ASTN2: variants seen among roughly 807,000 people sequenced by gnomAD.
ASTN2 encodes astrotactin-2.
In ASTN2, 54 loss-of-function variants were observed where a neutral mutation model predicts 139.8. The ratio of observed to expected loss-of-function variants is 0.39; its 90% CI spans 0.31 to 0.48. The LOEUF (loss-of-function observed/expected upper bound fraction) is 0.48. Among genes scored for constraint, ASTN2 ranks in the 20% least tolerant of loss-of-function variants. ASTN2 has a pLI of 0.95. For synonymous variants in ASTN2, 756 were observed against 719.5 expected, an observed-to-expected ratio of 1.05 and a Z score of -0.81; for missense variants, 1,565 against 1,725.1, an observed-to-expected ratio of 0.91 and a Z score of 1.64.
chr9:116,910,834 A>G (rs1834290353), intron 10 of ASTN2, among the ~76,000 whole-genome samples: 1 of 152,198 alleles, frequency 6.6e-6, no homozygotes, highest in Non-Finnish European at 1.5e-5. Context: ...TTGCATGGAG[A>G]GAAGGGATGA....
chr9:117,212,569 AAAAAACAAAAAAAC>A (rs1832171467), intron 3 of ASTN2, among the ~76,000 whole-genome samples: 1 of 1,324 alleles, frequency 7.6e-4, no homozygotes. Context: ...CAGCAAAAAC[AAAAAACAAAAAAAC>A]AAAAAACAAA....
At chr9:117,174,701 C>T (rs2132933145) in intron 3 of ASTN2, among the ~76,000 whole-genome samples, 1 of 152,028 alleles carries the variant, frequency 6.6e-6, no homozygotes, top group East Asian at 1.9e-4. Context: ...AAGACATCAC[C>T]TCACTTGATG....
intron 11 of ASTN2, among the ~76,000 whole-genome samples, chr9:116,858,219 A>T (rs1232667820): frequency 1.3e-5 from 2 of 152,214 alleles, no homozygotes; most frequent in African/African-American, 4.8e-5. Flanking sequence ...TCACAAATCT[A>T]TAGACAAAAC....
intron 10 of ASTN2, among the ~76,000 whole-genome samples, chr9:116,929,003 T>C (rs1417022438): frequency 6.6e-6 from 1 of 152,168 alleles, no homozygotes; most frequent in Non-Finnish European, 1.5e-5. Flanking sequence ...TCCAGGCCTG[T>C]CGTGGCCTGC....
At chr9:116,893,908 C>T (rs1039237995) in intron 10 of ASTN2, among the ~76,000 whole-genome samples, 4 of 152,186 alleles carry the variant, frequency 2.6e-5, no homozygotes, top group African/African-American at 9.7e-5. Flanking sequence ...AACGTCTGCC[C>T]CCAGGCCCAC....
chr9:117,284,406 C>T (rs368788054), intron 2 of ASTN2, among the ~76,000 whole-genome samples: 7 of 152,330 alleles, frequency 4.6e-5, no homozygotes, highest in African/African-American at 1.7e-4. Context: ...CACCTGGCCT[C>T]TGGTGTCCTC....
chr9:116,946,448 CTT>C (rs1835397506), intron 10 of ASTN2, among the ~76,000 whole-genome samples: 1 of 152,204 alleles, frequency 6.6e-6, no homozygotes, highest in South Asian at 2.1e-4. Context: ...CTTTCACTGT[CTT>C]TTTAAATTCT....
chr9:116,778,796 T>C (rs924007466), intron 13 of ASTN2, among the ~76,000 whole-genome samples: 2 of 152,152 alleles, frequency 1.3e-5, no homozygotes, highest in Non-Finnish European at 2.9e-5. Flanking sequence ...ACTATATATA[T>C]GCAATTTATC....
intron 19 of ASTN2, among the ~76,000 whole-genome samples, chr9:116,535,981 T>C (rs936333681): frequency 6.6e-6 from 1 of 152,206 alleles, no homozygotes; most frequent in African/African-American, 2.4e-5. Context: ...TCCCCGTCAC[T>C]TTCAGGTACA....
At chr9:117,203,901 C>G (rs1034373585) in intron 3 of ASTN2, among the ~76,000 whole-genome samples, 1 of 152,152 alleles carries the variant, frequency 6.6e-6, no homozygotes. Context: ...GTGTGTTTTT[C>G]TGAGGGGAAA....
At chr9:117,233,258 G>T (rs953403241) in intron 2 of ASTN2, among the ~76,000 whole-genome samples, 5 of 152,146 alleles carry the variant, frequency 3.3e-5, no homozygotes. Context: ...TCCAAAGCAG[G>T]AAATCAAACA....
chr9:117,118,790 G>C (rs891229604), intron 4 of ASTN2, among the ~76,000 whole-genome samples: 1 of 152,076 alleles, frequency 6.6e-6, no homozygotes, highest in Admixed American at 6.5e-5. Flanking sequence ...TCTTGTCTCA[G>C]GGTCATAATA....
chr9:116,699,646 G>A lies in ASTN2; in HGVS notation c.2806+26125C>T. The A allele has an allele frequency of 6.2e-7, 1 of 1,614,204 alleles. No homozygotes were observed. Among genetic ancestry groups the A allele is most frequent in the South Asian group, 1.1e-5 (1 of 91,076 alleles). ...AAGGGGCAGCTGCTGGTCTTGGACTGTTGGGATCATTGCATCAAGATCTAC... is the reference window on the plus strand; with the variant it reads ...AAGGGGCAGCTGCTGGTCTTGGACTATTGGGATCATTGCATCAAGATCTAC... On this transcript the variant is annotated intron_variant, in intron 16 of 22. Coordinates refer to ENST00000313400, the MANE Select transcript of ASTN2 (RefSeq NM_001365068.1). This position sits in a 1 kb window ranked among gnomAD's most constrained non-coding sequence, Gnocchi z 4.2.
chr9:117,395,393 T>C (rs1443324094), intron 1 of ASTN2, among the ~76,000 whole-genome samples: 1 of 152,204 alleles, frequency 6.6e-6, no homozygotes, highest in Non-Finnish European at 1.5e-5. Flanking sequence ...CAGCCATTCC[T>C]GCTGGAGATT....
chr9:117,203,615 G>A (rs1234044994), intron 3 of ASTN2, among the ~76,000 whole-genome samples: 5 of 151,876 alleles, frequency 3.3e-5, no homozygotes, highest in Non-Finnish European at 7.4e-5. Flanking sequence ...TCCTTCTTCC[G>A]TAGAGCTGCT....
At chr9:116,732,335 G>A (rs1828807183) in intron 14 of ASTN2, among the ~76,000 whole-genome samples, 1 of 152,162 alleles carries the variant, frequency 6.6e-6, no homozygotes, top group Admixed American at 6.5e-5. Context: ...AAGCACATGT[G>A]GGTTCTCTCC....
intron 3 of ASTN2, among the ~76,000 whole-genome samples, chr9:117,200,732 A>T (rs1356032073): frequency 6.6e-6 from 1 of 152,092 alleles, no homozygotes; most frequent in Non-Finnish European, 1.5e-5. Flanking sequence ...ATGGTGGATA[A>T]GTTTTTTGAC....
At chr9:117,330,804 A>T (rs1299421064) in intron 1 of ASTN2, among the ~76,000 whole-genome samples, 1 of 152,212 alleles carries the variant, frequency 6.6e-6, no homozygotes, top group Non-Finnish European at 1.5e-5. Context: ...GTCTAAAGGG[A>T]TATAAATGGA....
At chr9:116,832,057 T>A (rs1338048273) in intron 11 of ASTN2, among the ~76,000 whole-genome samples, 1 of 152,218 alleles carries the variant, frequency 6.6e-6, no homozygotes, top group African/African-American at 2.4e-5. Flanking sequence ...ATTTTTTATA[T>A]ATTTTGTCAG....
Sources: gnomAD v4.1 joint callset for allele counts (sites outside exome capture counted in the v4.1 genomes callset) on GRCh38, gnomAD v4.1.1 for gene constraint, Gnocchi (gnomAD v3.1) non-coding constraint, MANE v1.5 for transcripts, NCBI Gene and HGNC (gene_info 2026-07-23, HGNC 2026-07-21) for gene names.